Variants in FBXO11 observed in about 807,000 individuals in gnomAD.
FBXO11 encodes the protein F-box only protein 11.
A neutral mutation model predicts 117.0 loss-of-function variants in FBXO11; 13 were observed. That is an observed-to-expected ratio of 0.11 (90% CI 0.07 to 0.18). The LOEUF (loss-of-function observed/expected upper bound fraction) is 0.18, where lower values mean the gene tolerates loss of function less well. Ranked by LOEUF, FBXO11 falls within the 10% of genes least tolerant of loss-of-function variation. FBXO11 has a pLI of 1.00. For missense variants in FBXO11, 767 were observed against 1,164.4 expected (o/e 0.66, Z 4.97); for synonymous variants, 490 against 380.5 (o/e 1.29, Z -3.35).
chr2:47,884,197 T>A (rs575892646), intron 1 of FBXO11, among the ~76,000 whole-genome samples: 1 of 152,274 alleles, frequency 6.6e-6, no homozygotes, highest in Non-Finnish European at 1.5e-5. Flanking sequence ...CCAGCCTGGG[T>A]GACAGAGCAA....
At chr2:47,904,747 G>A (rs1001290592) in intron 1 of FBXO11, among the ~76,000 whole-genome samples, 1 of 152,104 alleles carries the variant, frequency 6.6e-6, no homozygotes, top group Non-Finnish European at 1.5e-5. Context: ...AGAGCGGAAG[G>A]GTAACTGCAC....
At chr2:47,822,453 T>C (rs947119975) in intron 12 of FBXO11, 150 bp from the exon 13 acceptor site, 2 of 562,346 alleles carry the variant, frequency 3.6e-6, no homozygotes, top group Non-Finnish European at 6.2e-6. Context: ...CCTAAGACTT[T>C]GGAAAAGTCA....
At chr2:47,886,949 G>A (rs1159824482) in intron 1 of FBXO11, among the ~76,000 whole-genome samples, 1 of 152,140 alleles carries the variant, frequency 6.6e-6, no homozygotes, top group Non-Finnish European at 1.5e-5. Flanking sequence ...AGAGGTTGAG[G>A]CTACACTAAG....
chr2:47,837,866 G>A (rs1247039429), intron 4 of FBXO11, among the ~76,000 whole-genome samples: 3 of 151,994 alleles, frequency 2.0e-5, no homozygotes, highest in Admixed American at 1.3e-4. Flanking sequence ...GAGTAGCTGG[G>A]ACCACAGGCA....
intron 1 of FBXO11, among the ~76,000 whole-genome samples, chr2:47,847,762 G>A (rs1304056671): frequency 6.6e-6 from 1 of 151,762 alleles, no homozygotes; most frequent in Non-Finnish European, 1.5e-5. Context: ...ATCATATACA[G>A]TCTGTTGTTG....
intron 1 of FBXO11, among the ~76,000 whole-genome samples, chr2:47,900,930 T>G (rs1337678774): frequency 7.2e-6 from 1 of 138,766 alleles, no homozygotes; most frequent in Non-Finnish European, 1.6e-5. Context: ...ATACACGTAT[T>G]TATGGAATTG....
chr2:47,868,052 G>A (rs942971156), intron 1 of FBXO11, among the ~76,000 whole-genome samples: 32 of 152,050 alleles, frequency 2.1e-4, no homozygotes, highest in African/African-American at 7.5e-4. Context: ...GAGAACTGAA[G>A]AACTTAAGGC....
At chr2:47,868,684 A>G (rs1675381939) in intron 1 of FBXO11, among the ~76,000 whole-genome samples, 1 of 152,156 alleles carries the variant, frequency 6.6e-6, no homozygotes, top group Non-Finnish European at 1.5e-5. Flanking sequence ...TGGAGGTTAT[A>G]CATGGGCTTA....
At chr2:47,896,049 C>T (rs973488892) in intron 1 of FBXO11, among the ~76,000 whole-genome samples, 2 of 152,212 alleles carry the variant, frequency 1.3e-5, no homozygotes, top group Non-Finnish European at 2.9e-5. Context: ...AAACTATAGA[C>T]TGTTTCTAAT....
intron 1 of FBXO11, among the ~76,000 whole-genome samples, chr2:47,864,223 G>C (rs1039564925): frequency 6.6e-6 from 1 of 152,096 alleles, no homozygotes; most frequent in South Asian, 2.1e-4. Flanking sequence ...CATTTATTAA[G>C]TACTCACGGT....
At chr2:47,880,569 G>A (rs909548516) in intron 1 of FBXO11, among the ~76,000 whole-genome samples, 9 of 152,142 alleles carry the variant, frequency 5.9e-5, no homozygotes, top group South Asian at 2.1e-4. Flanking sequence ...CTTGTTTGGC[G>A]TCTTTCACAT....
intron 1 of FBXO11, among the ~76,000 whole-genome samples, chr2:47,848,120 T>C (rs1422111466): frequency 6.7e-6 from 1 of 149,642 alleles, no homozygotes; most frequent in Non-Finnish European, 1.5e-5. Context: ...CGAGACCCCA[T>C]CTCAAAAAAA....
chr2:47,832,539 A>G, intron 10 of FBXO11, 33 bp downstream of exon 10: 2 of 1,607,700 alleles, frequency 1.2e-6, no homozygotes, highest in Non-Finnish European at 1.7e-6. Flanking sequence ...ACATTTTCTA[A>G]AAAGAAAAAA....
Position 47,887,344 on chromosome 2 carries a change from T to C in FBXO11, c.232+18145A>G, listed in dbSNP as rs1676939319. On this transcript the variant is annotated intron_variant, in intron 1 of 22. Transcript: ENST00000403359. ...GACCCTATCTCGAATTTTTTTTTTT[T>C]TTCTTTTCAAAAGAACCAACACAAA... Among the ~76,000 whole-genome samples the C allele has an allele frequency of 3.3e-5, 5 of 151,878 alleles. No homozygotes were observed. In the South Asian group the frequency reaches 1.0e-3, roughly 31 times the overall value.
At chr2:47,905,400 GCCCCCGCCCGCCCGCCCGCC>G (rs1021425462) in intron 1 of FBXO11, 69 bp downstream of exon 1, 4 of 1,069,654 alleles carry the variant, frequency 3.7e-6, no homozygotes, top group East Asian at 4.9e-5. Context: ...CGCGCAGGCC[GCCCCCGCCCGCCCGCCCGCC>G]CGCCCGCCCC....
intron 11 of FBXO11, among the ~76,000 whole-genome samples, chr2:47,828,609 C>CAA (rs536847210): frequency 3.0e-5 from 3 of 98,748 alleles, no homozygotes; most frequent in Admixed American, 1.1e-4. Context: ...ACTCTTGTCT[C>CAA]AAAAAAAAAA....
intron 11 of FBXO11, among the ~76,000 whole-genome samples, chr2:47,824,398 G>T (rs577653116): frequency 3.0e-4 from 45 of 152,228 alleles, no homozygotes; most frequent in African/African-American, 1.1e-3. Flanking sequence ...AGGCTGAGGT[G>T]GGAGGACTGT....
chr2:47,829,029 C>G (rs77380349), intron 11 of FBXO11, among the ~76,000 whole-genome samples: 10,849 of 151,090 alleles, frequency 0.072, 547 homozygotes, highest in Non-Finnish European at 0.11. Flanking sequence ...TCAAGTGATT[C>G]TCATGCCTCA....
At position 47,838,845 on chromosome 2, in the gene FBXO11, A is replaced by C; in HGVS notation, c.587+14T>G. On this transcript the variant is annotated intron_variant, in intron 4 of 22. Transcript: ENST00000403359. The stretch of plus-strand genomic sequence containing the variant: ...AACATATCTCAAGTTAATAAGGAAT[A>C]GGTTTTTACTTACCACAAAATTGGA... The C allele has an allele frequency of 6.2e-7, 1 of 1,605,294 alleles. No individual in the cohort carries two copies. The highest frequency in any genetic ancestry group is 8.5e-7 in the Non-Finnish European group (1 of 1,174,862).
Sources: allele counts gnomAD v4.1 joint callset (sites outside exome capture counted in the v4.1 genomes callset), GRCh38; gene constraint gnomAD v4.1.1; transcripts MANE v1.5; gene names NCBI Gene and HGNC (gene_info 2026-07-23, HGNC 2026-07-21).